The following TMEM131L variants were observed in gnomAD, a reference collection of about 807,000 sequenced individuals.
TMEM131L encodes the protein transmembrane protein 131-like.
TMEM131L carries 54 observed loss-of-function variants against 192.2 expected under a neutral mutation model. That is an observed-to-expected ratio of 0.28 (90% CI 0.23 to 0.35). The LOEUF (loss-of-function observed/expected upper bound fraction) is 0.35. Among genes scored for constraint, TMEM131L ranks in the 10% least tolerant of loss-of-function variants. The pLI is 1.00. For synonymous variants in TMEM131L, 701 were observed against 704.9 expected, an observed-to-expected ratio of 0.99 and a Z score of 0.09; for missense variants, 1,888 against 1,972.9, an observed-to-expected ratio of 0.96 and a Z score of 0.82.
chr4:153,521,729 T>C (rs1735127069), intron 3 of TMEM131L, among the ~76,000 whole-genome samples: 1 of 152,120 alleles, frequency 6.6e-6, no homozygotes, highest in Non-Finnish European at 1.5e-5. Flanking sequence ...TTTACTTCCG[T>C]CTCTGTGGAT....
At chr4:153,489,801 A>G (rs1732640032) in intron 3 of TMEM131L, among the ~76,000 whole-genome samples, 2 of 151,884 alleles carry the variant, frequency 1.3e-5, no homozygotes, top group Admixed American at 1.3e-4. Flanking sequence ...CTTGCGGAAA[A>G]TAAGTGGGCA....
chr4:153,617,248 C>T (rs1295154052), intron 26 of TMEM131L, among the ~76,000 whole-genome samples: 2 of 152,264 alleles, frequency 1.3e-5, no homozygotes, highest in South Asian at 2.1e-4. Context: ...CACCTTCTGC[C>T]ATGATTGTGA....
intron 4 of TMEM131L, among the ~76,000 whole-genome samples, chr4:153,553,643 G>A (rs1050322667): frequency 2.0e-5 from 3 of 152,124 alleles, no homozygotes; most frequent in African/African-American, 4.8e-5. Flanking sequence ...TTATTTTGAT[G>A]TTGGCCTCGA....
intron 7 of TMEM131L, among the ~76,000 whole-genome samples, chr4:153,569,660 A>T (rs551068390): frequency 6.6e-6 from 1 of 152,346 alleles, no homozygotes; most frequent in South Asian, 2.1e-4. Context: ...GTTCTGAGTG[A>T]CTGTAGCCAA....
At chr4:153,499,680 C>A (rs1733451418) in intron 3 of TMEM131L, among the ~76,000 whole-genome samples, 1 of 152,172 alleles carries the variant, frequency 6.6e-6, no homozygotes, top group Non-Finnish European at 1.5e-5. Context: ...CCACCTTGGC[C>A]TCCCAAAATG....
intron 3 of TMEM131L, among the ~76,000 whole-genome samples, chr4:153,530,532 G>A (rs919695970): frequency 1.3e-5 from 2 of 152,184 alleles, no homozygotes; most frequent in Non-Finnish European, 1.5e-5. Flanking sequence ...CTGCATAGGC[G>A]TAGTTTGAAG....
intron 15 of TMEM131L, 98 bp downstream of exon 15, chr4:153,587,909 T>A: frequency 1.1e-6 from 1 of 872,590 alleles, no homozygotes; most frequent in Non-Finnish European, 2.0e-6. Context: ...ATTAGTTCTG[T>A]AAAGGCATCA....
At chr4:153,625,618 C>T (rs535267001) in intron 29 of TMEM131L, among the ~76,000 whole-genome samples, 7 of 152,070 alleles carry the variant, frequency 4.6e-5, no homozygotes, top group Non-Finnish European at 1.0e-4. Flanking sequence ...AAATATGATT[C>T]CAATTTTATA....
At chr4:153,573,534 G>A (rs1171004257) in intron 7 of TMEM131L, among the ~76,000 whole-genome samples, 1 of 152,202 alleles carries the variant, frequency 6.6e-6, no homozygotes, top group African/African-American at 2.4e-5. Flanking sequence ...GCCAGCCCAG[G>A]TTGTAATAGT....
chr4:153,538,799 G>A (rs889613731), intron 3 of TMEM131L, among the ~76,000 whole-genome samples: 48 of 152,178 alleles, frequency 3.2e-4, no homozygotes, highest in African/African-American at 1.1e-3. Flanking sequence ...ATATGCAGCC[G>A]CTGGCTCCAG....
intron 7 of TMEM131L, among the ~76,000 whole-genome samples, chr4:153,579,249 T>C (rs1730173383): frequency 6.6e-6 from 1 of 151,798 alleles, no homozygotes; most frequent in Non-Finnish European, 1.5e-5. Context: ...TAGTCCCAGC[T>C]ACTTGGGAGG....
chr4:153,629,234 C>G (rs559864077), intron 31 of TMEM131L, among the ~76,000 whole-genome samples: 11 of 152,284 alleles, frequency 7.2e-5, no homozygotes, highest in African/African-American at 2.4e-4. Flanking sequence ...CCTCGTGCCT[C>G]GTTTACTTGA....
rs192478917 is a variant in TMEM131L at position 153,594,007 on chromosome 4, A to G, written c.1995+136A>G. 7.1e-5 allele frequency: 46 copies of G among 648,276 alleles called. No homozygotes were observed. In the African/African-American group the frequency reaches 8.2e-4, roughly 12 times the overall value. The allele number at this position is 648,276 out of a possible 1,614,324, so 40.2% of individuals were successfully genotyped here. ...TTTTATTTTGATTCTCTGGGCATTA[A>G]CGATACATAGCAGATTTTTCCAGTT... is the stretch of plus-strand genomic sequence containing the variant. On this transcript the variant is annotated intron_variant, in intron 19 of 34. Transcript: ENST00000409959.
intron 3 of TMEM131L, among the ~76,000 whole-genome samples, chr4:153,514,206 C>T (rs1489557604): frequency 2.0e-5 from 3 of 152,112 alleles, no homozygotes; most frequent in Non-Finnish European, 4.4e-5. Flanking sequence ...ACTAATGGTA[C>T]CTTTTCTAGA....
chr4:153,577,363 A>C (rs552880752), intron 7 of TMEM131L, among the ~76,000 whole-genome samples: 172 of 152,280 alleles, frequency 1.1e-3, no homozygotes, highest in African/African-American at 3.9e-3. Flanking sequence ...TGCAGTGTGG[A>C]GAATGGAGTG....
chr4:153,542,239 TAGAA>T lies in TMEM131L; in HGVS notation c.240-7831_240-7828del, dbSNP rs149044157. Among the ~76,000 whole-genome samples, 803 of 151,992 alleles carry T rather than the reference TAGAA, an allele frequency of 5.3e-3. 11 individuals are homozygous for T. The East Asian group carries it at 0.083, about 16-fold the overall frequency. ...AAGAGATAGGCAGAGGAAGAGGAGT[TAGAA>T]AGGGAGAAGGAGCAGCCACAGAGGT... On this transcript the variant is annotated intron_variant, in intron 3 of 34. Coordinates refer to ENST00000409959, the MANE Select transcript of TMEM131L (RefSeq NM_001131007.2).
intron 7 of TMEM131L, among the ~76,000 whole-genome samples, chr4:153,578,229 G>T (rs558033446): frequency 6.6e-6 from 1 of 152,166 alleles, no homozygotes; most frequent in Non-Finnish European, 1.5e-5. Context: ...GGTAGTGCAC[G>T]CTTGTAGTCC....
intron 28 of TMEM131L, among the ~76,000 whole-genome samples, chr4:153,622,465 G>A (rs577191466): frequency 6.6e-6 from 1 of 152,284 alleles, no homozygotes; most frequent in South Asian, 2.1e-4. Context: ...CCCTTGACAC[G>A]TGTGTGTTGC....
intron 18 of TMEM131L, among the ~76,000 whole-genome samples, chr4:153,593,294 G>T (rs1490244007): frequency 6.6e-6 from 1 of 152,112 alleles, no homozygotes; most frequent in Non-Finnish European, 1.5e-5. Flanking sequence ...TGGACCAGAT[G>T]GTTCTACCAT....
Sources: allele counts gnomAD v4.1 joint callset (sites outside exome capture counted in the v4.1 genomes callset), GRCh38; gene constraint gnomAD v4.1.1; transcripts MANE v1.5; gene names NCBI Gene and HGNC (gene_info 2026-07-23, HGNC 2026-07-21).